The following ACAD11 variants were observed in gnomAD, a reference collection of about 807,000 sequenced individuals.
ACAD11 encodes acyl-CoA dehydrogenase family member 11.
Under a neutral mutation model 102.2 loss-of-function variants are expected in ACAD11, and 83 were observed. That is an observed-to-expected ratio of 0.81 (90% CI 0.68 to 0.97). The LOEUF is 0.97. Ranked by LOEUF, ACAD11 falls within the 50% of genes least tolerant of loss-of-function variation. The probability of loss-of-function intolerance (pLI) is 0.00; values close to 1 mark genes in which losing one functional copy is unlikely to be tolerated. For missense variants in ACAD11, 901 were observed against 951.7 expected (o/e 0.95, Z 0.70); for synonymous variants, 324 against 319.8 (o/e 1.01, Z -0.14).
chr3:132,592,304 G>T (rs62291488), intron 13 of ACAD11, among the ~76,000 whole-genome samples: 13,981 of 152,112 alleles, frequency 0.092, 805 homozygotes, highest in Middle Eastern at 0.14. Context: ...GATACCCAAT[G>T]TCATAAATAA....
At chr3:132,594,849 C>A (rs1449878871) in intron 13 of ACAD11, among the ~76,000 whole-genome samples, 2 of 152,146 alleles carry the variant, frequency 1.3e-5, no homozygotes, top group African/African-American at 2.4e-5. Context: ...GCTGCAGTTG[C>A]AGACCAGTTG....
At position 132,605,213 on chromosome 3, in the gene ACAD11, T is replaced by A. The variant is rs1238089572; in HGVS notation, c.1415-8A>T. The A allele has an allele frequency of 1.3e-6, 2 of 1,596,180 alleles. No homozygotes were observed. Among genetic ancestry groups the A allele is most frequent in the East Asian group, 2.2e-5 (1 of 44,666 alleles). On this transcript the variant is annotated splice_region_variant and splice_polypyrimidine_tract_variant and intron_variant, in intron 11 of 19. Transcript: ENST00000264990. ...CCTCCATATTCCCTGTGTCTACACA[T>A]AAAGAAGGAGTATTTGTTTTGCATT...
chr3:132,559,725 C>T (rs2107774873), intron 19 of ACAD11, 108 bp downstream of exon 19: 6 of 828,278 alleles, frequency 7.2e-6, no homozygotes, highest in South Asian at 6.9e-5. Flanking sequence ...TTCATTTAGC[C>T]TTCAATTACA....
At chr3:132,606,473 G>A (rs778566023) in intron 11 of ACAD11, among the ~76,000 whole-genome samples, 2 of 151,872 alleles carry the variant, frequency 1.3e-5, no homozygotes, top group Non-Finnish European at 2.9e-5. Flanking sequence ...AGTTTCTTCC[G>A]AAAAGCTCAC....
intron 12 of ACAD11, among the ~76,000 whole-genome samples, chr3:132,604,148 T>C (rs979626921): frequency 4.6e-5 from 7 of 152,200 alleles, no homozygotes; most frequent in African/African-American, 7.2e-5. Context: ...GTAGTTTTGC[T>C]GTCTGAGGTT....
At chr3:132,576,674 G>A (rs533103871) in intron 16 of ACAD11, among the ~76,000 whole-genome samples, 8 of 152,092 alleles carry the variant, frequency 5.3e-5, no homozygotes, top group South Asian at 2.1e-4. Flanking sequence ...AAGAAAATCC[G>A]CCAAACAGAA....
At chr3:132,649,737 C>G (rs550144809) in intron 1 of ACAD11, 1 of 152,288 alleles carries the variant, frequency 6.6e-6, no homozygotes, top group African/African-American at 2.4e-5. Flanking sequence ...TTTTCTCAGT[C>G]TCTTGTCCAG....
chr3:132,653,356 G>A (rs1937621134), intron 1 of ACAD11, among the ~76,000 whole-genome samples: 1 of 152,098 alleles, frequency 6.6e-6, no homozygotes, highest in African/African-American at 2.4e-5. Flanking sequence ...TTACACTACT[G>A]TATCTACTGC....
At chr3:132,612,252 G>T (rs923887919) in intron 11 of ACAD11, among the ~76,000 whole-genome samples, 3 of 151,976 alleles carry the variant, frequency 2.0e-5, no homozygotes, top group African/African-American at 7.3e-5. Flanking sequence ...TTACATGTTA[G>T]ACCTAAAACC....
rs1026052997 is a variant in ACAD11, at chr3:132,605,189, C to T, written c.1431G>A (p.Glu477=). 2.5e-6 allele frequency: 4 copies of T among 1,612,222 alleles called. No individual in the cohort carries two copies. Among genetic ancestry groups the T allele is most frequent in the Non-Finnish European group, 3.4e-6 (4 of 1,178,638 alleles). ...CCTCACTTCCATACAGGTGCAGAAC[C>T]TCCATATTCCCTGTGTCTACACATA... ...NCQAPDTGNM[E]VLHLYGSEEQ... The change falls in exon 12 of 20, where the codon GAG becomes GAA. Residue 477 remains glutamate, a synonymous_variant. Transcript: ENST00000264990.
At chr3:132,651,944 T>C (rs1456198136) in intron 1 of ACAD11, among the ~76,000 whole-genome samples, 1 of 152,222 alleles carries the variant, frequency 6.6e-6, no homozygotes, top group Non-Finnish European at 1.5e-5. Context: ...GATGAGACTT[T>C]GGACGGTGGA....
chr3:132,635,319 G>A (rs1484944341), intron 5 of ACAD11, among the ~76,000 whole-genome samples: 4 of 151,918 alleles, frequency 2.6e-5, no homozygotes, highest in African/African-American at 7.3e-5. Context: ...ATGGGGGGTG[G>A]GCAGTGAGGC....
intron 1 of ACAD11, 118 bp downstream of exon 1, chr3:132,659,485 A>T: frequency 1.4e-6 from 2 of 1,438,798 alleles, no homozygotes; most frequent in Non-Finnish European, 9.4e-7. Context: ...GGGTGCGTCC[A>T]CTGACTGCAG....
chr3:132,622,355 G>A (rs902525461), intron 9 of ACAD11, among the ~76,000 whole-genome samples: 8 of 152,104 alleles, frequency 5.3e-5, no homozygotes, highest in African/African-American at 1.7e-4. Context: ...CAGGAAGTCC[G>A]TTAAATTGGA....
At chr3:132,619,409 G>C (rs1939527854) in intron 10 of ACAD11, 59 bp downstream of exon 10, 1 of 1,152,488 alleles carries the variant, frequency 8.7e-7, no homozygotes, top group African/African-American at 1.6e-5. Flanking sequence ...ACAAAACTAA[G>C]GTCTAGGATC....
intron 13 of ACAD11, among the ~76,000 whole-genome samples, chr3:132,584,282 C>G (rs1480213281): frequency 6.6e-6 from 1 of 152,178 alleles, no homozygotes; most frequent in African/African-American, 2.4e-5. Flanking sequence ...GTTAGTTCTT[C>G]TTGTTGAATT....
Position 132,628,252 on chromosome 3 carries a change from A to C in ACAD11, c.1070+88T>G, listed in dbSNP as rs1473396286. The C allele has an allele frequency of 3.7e-6, 3 of 817,408 alleles. No individual in the cohort carries two copies. The East Asian group carries it at 8.5e-5, about 23-fold the overall frequency. 50.6% of individuals were successfully genotyped at this position (817,408 alleles called of 1,614,324 possible). A position where few individuals can be genotyped will look rare whatever the true frequency, so the allele number is the denominator to read the frequency against. On this transcript the variant is annotated intron_variant, in intron 8 of 19. Transcript: ENST00000264990. ...CAGCAATCCTGGTGTATGCAATAAA[A>C]ATAATCCCTACTCCCCTAAAGTGTA... is the stretch of plus-strand genomic sequence containing the variant.
At chr3:132,641,461 G>A (rs1309962591) in intron 4 of ACAD11, among the ~76,000 whole-genome samples, 3 of 151,954 alleles carry the variant, frequency 2.0e-5, no homozygotes, top group East Asian at 3.9e-4. Context: ...GGAGAATGGC[G>A]TGAACCTGGG....
chr3:132,564,765 C>T (rs1392554109), intron 17 of ACAD11, among the ~76,000 whole-genome samples: 1 of 152,158 alleles, frequency 6.6e-6, no homozygotes, highest in Non-Finnish European at 1.5e-5. Flanking sequence ...TTTCTCTATT[C>T]CTTCTGTTAA....
Sources: allele counts gnomAD v4.1 joint callset (sites outside exome capture counted in the v4.1 genomes callset), GRCh38; gene constraint gnomAD v4.1.1; transcripts MANE v1.5; gene names NCBI Gene and HGNC (gene_info 2026-07-23, HGNC 2026-07-21).